ARSB: variants seen among roughly 807,000 people sequenced by gnomAD.
ARSB encodes arylsulfatase B.
Under a neutral mutation model 50.9 loss-of-function variants are expected in ARSB, and 41 were observed. The observed-to-expected ratio is 0.81, with a 90% confidence interval of 0.63 to 1.04. The LOEUF (loss-of-function observed/expected upper bound fraction) is 1.04, where lower values mean the gene tolerates loss of function less well. Ranked by LOEUF, ARSB falls within the 50% of genes least tolerant of loss-of-function variation. The pLI is 0.00. For missense variants in ARSB, 672 were observed against 693.3 expected (o/e 0.97, Z 0.35); for synonymous variants, 269 against 284.8 (o/e 0.94, Z 0.56).
At chr5:78,871,004 A>G (rs1269329678) in intron 5 of ARSB, among the ~76,000 whole-genome samples, 5 of 151,508 alleles carry the variant, frequency 3.3e-5, no homozygotes, top group Non-Finnish European at 7.4e-5. Flanking sequence ...AATCACAAGC[A>G]TTCCTATACA....
chr5:78,839,320 T>A, intron 6 of ARSB, 36 bp downstream of exon 6: 1 of 1,591,352 alleles, frequency 6.3e-7, no homozygotes, highest in Non-Finnish European at 8.6e-7. Flanking sequence ...GGTGGGCCAA[T>A]TAGATTTAAT....
intron 4 of ARSB, among the ~76,000 whole-genome samples, chr5:78,954,777 T>A (rs917961939): frequency 2.0e-5 from 3 of 152,226 alleles, no homozygotes; most frequent in African/African-American, 4.8e-5. Context: ...AGTGCTGGGA[T>A]TACAGGCGTG....
chr5:78,791,374 T>C (rs1749231535), intron 6 of ARSB, among the ~76,000 whole-genome samples: 1 of 152,266 alleles, frequency 6.6e-6, no homozygotes, highest in African/African-American at 2.4e-5. Flanking sequence ...AAAGCTTATT[T>C]ACGCTAAAGT....
intron 5 of ARSB, among the ~76,000 whole-genome samples, chr5:78,877,287 G>A (rs781440228): frequency 6.6e-6 from 1 of 152,196 alleles, no homozygotes; most frequent in African/African-American, 2.4e-5. Context: ...GCACTGCTCT[G>A]CAGTTGCCTA....
chr5:78,791,481 A>G (rs1230471546), intron 6 of ARSB, among the ~76,000 whole-genome samples: 2 of 152,250 alleles, frequency 1.3e-5, no homozygotes, highest in Non-Finnish European at 2.9e-5. Context: ...GGTTCAAGTC[A>G]TTAAGGTCCT....
intron 5 of ARSB, among the ~76,000 whole-genome samples, chr5:78,852,825 A>C (rs961601490): frequency 3.9e-5 from 6 of 152,078 alleles, no homozygotes; most frequent in Non-Finnish European, 8.8e-5. Context: ...CATCACTGAT[A>C]CCCTTTCTTC....
chr5:78,914,791 C>T (rs1237409025), intron 4 of ARSB, among the ~76,000 whole-genome samples: 2 of 152,156 alleles, frequency 1.3e-5, no homozygotes, highest in Non-Finnish European at 1.5e-5. Flanking sequence ...CTCAGCCTCC[C>T]GAGTAGCTGG....
chr5:78,843,448 G>A (rs1745313904), intron 5 of ARSB, among the ~76,000 whole-genome samples: 1 of 152,124 alleles, frequency 6.6e-6, no homozygotes, highest in Non-Finnish European at 1.5e-5. Context: ...ATCACCTGAA[G>A]AACTCTTAAA....
intron 5 of ARSB, among the ~76,000 whole-genome samples, chr5:78,859,296 T>C (rs967847906): frequency 6.6e-6 from 1 of 152,212 alleles, no homozygotes; most frequent in Non-Finnish European, 1.5e-5. Flanking sequence ...ATTTTTCATA[T>C]AGATTGTTAT....
chr5:78,870,931 C>A (rs920318269), intron 5 of ARSB, among the ~76,000 whole-genome samples: 6 of 152,084 alleles, frequency 3.9e-5, no homozygotes, highest in Non-Finnish European at 7.3e-5. Flanking sequence ...GTCTCAGCCC[C>A]AAATCTCCTT....
chr5:78,895,305 T>C (rs982550493), intron 4 of ARSB, among the ~76,000 whole-genome samples: 6 of 152,186 alleles, frequency 3.9e-5, no homozygotes, highest in African/African-American at 1.4e-4. Context: ...CAAACTAAAG[T>C]GTCTTTACCT....
intron 5 of ARSB, among the ~76,000 whole-genome samples, chr5:78,846,894 T>C (rs1190986486): frequency 6.6e-6 from 1 of 152,184 alleles, no homozygotes; most frequent in Non-Finnish European, 1.5e-5. Context: ...GCTTATGATA[T>C]ATGGCCTTTA....
intron 6 of ARSB, chr5:78,815,896 A>C: frequency 6.9e-7 from 1 of 1,448,088 alleles, no homozygotes; most frequent in South Asian, 1.4e-5. Context: ...TGATCTAAGT[A>C]AGACAGCCTC....
intron 4 of ARSB, among the ~76,000 whole-genome samples, chr5:78,915,406 G>A (rs776461901): frequency 1.4e-4 from 22 of 152,092 alleles, no homozygotes; most frequent in South Asian, 2.1e-4. Flanking sequence ...ATTGAGGATC[G>A]TGATTAGGAA....
At chr5:78,786,064 CAA>C (rs1347820237) in intron 6 of ARSB, among the ~76,000 whole-genome samples, 13 of 152,132 alleles carry the variant, frequency 8.5e-5, no homozygotes, top group African/African-American at 2.4e-4. Context: ...GATATATTCA[CAA>C]AGTTGTATAA....
At chr5:78,829,660 T>A (rs1049341505) in intron 6 of ARSB, among the ~76,000 whole-genome samples, 1 of 152,242 alleles carries the variant, frequency 6.6e-6, no homozygotes, top group African/African-American at 2.4e-5. Flanking sequence ...ACAGGCCGTT[T>A]AGTCTGTTTT....
At chr5:78,974,200 C>G in intron 1 of ARSB, among the ~76,000 whole-genome samples, 1 of 152,246 alleles carries the variant, frequency 6.6e-6, no homozygotes, top group East Asian at 1.9e-4. Flanking sequence ...GCTGCCCATG[C>G]TGCTGAAGCC....
intron 5 of ARSB, 21 bp downstream of exon 5, chr5:78,885,563 A>G (rs1747978814): frequency 1.2e-6 from 2 of 1,611,432 alleles, no homozygotes; most frequent in African/African-American, 1.3e-5. Context: ...CCTGGGAGGA[A>G]AAAGGGCAGG....
chr5:78,810,261 A>G (rs1276148826), intron 6 of ARSB, among the ~76,000 whole-genome samples: 2 of 152,198 alleles, frequency 1.3e-5, no homozygotes, highest in East Asian at 1.9e-4. Flanking sequence ...GGGAGTGATT[A>G]AGTGCATGTC....
Sources: gnomAD v4.1 joint callset for allele counts (sites outside exome capture counted in the v4.1 genomes callset) on GRCh38, gnomAD v4.1.1 for gene constraint, MANE v1.5 for transcripts, NCBI Gene and HGNC (gene_info 2026-07-23, HGNC 2026-07-21) for gene names.